The following RNF111 variants were observed in gnomAD, a reference collection of about 807,000 sequenced individuals.
RNF111 encodes the protein ring finger protein 111.
Under a neutral mutation model 95.1 loss-of-function variants are expected in RNF111, and 17 were observed. That is an observed-to-expected ratio of 0.18 (90% CI 0.12 to 0.27). The LOEUF (loss-of-function observed/expected upper bound fraction) is 0.27. RNF111 is among the 10% of genes least tolerant of loss of function. The pLI is 1.00. For missense variants in RNF111, 1,189 were observed against 1,210.4 expected (o/e 0.98, Z 0.26); for synonymous variants, 440 against 414.8 (o/e 1.06, Z -0.74).
At chr15:59,024,656 A>G (rs1463524547) in intron 1 of RNF111, among the ~76,000 whole-genome samples, 1 of 152,198 alleles carries the variant, frequency 6.6e-6, no homozygotes, top group Non-Finnish European at 1.5e-5. Flanking sequence ...TTTTATAACA[A>G]TATCTCTTTT....
At position 59,081,235 on chromosome 15, in the gene RNF111, G is replaced by C; in HGVS notation, c.2248G>C (p.Val750Leu). ...PPAQRLHPHE[V>L]MQRMEVQRRR... ...AGCACAGAGACTGCATCCTCATGAA[G>C]TGATGCAGAGGATGGAAGTTCAAAG... Residue 750 changes from valine (V) to leucine (L), a missense_variant, in exon 8 of 14, where the codon GTG becomes CTG. Physicochemically the swap from Val to Leu is conservative, Grantham distance 32. This residue lies in a region of RNF111 where 1,024 missense variants were observed against 925.9 expected (regional missense o/e 1.11). Transcript: ENST00000348370. 6.2e-7 allele frequency: 1 copy of C among 1,614,166 alleles called. No homozygotes were observed.
In RNF111 at chr15:59,030,958, G is replaced by A. The variant is rs1259136257; in HGVS notation, c.136G>A (p.Ala46Thr). 2 of 1,614,070 alleles carry A rather than the reference G, an allele frequency of 1.2e-6. No homozygotes were observed. Among genetic ancestry groups the A allele is most frequent in the African/African-American group, 2.7e-5 (2 of 74,938 alleles). ...TTTGCATCCAGAGCCCATTGGGGCA[G>A]CCAAAAGTTTTCCTGCAGGAGTTGA... is the stretch of plus-strand genomic sequence containing the variant. ...ILLHPEPIGA[A>T]KSFPAGVEMI... Residue 46 changes from alanine to threonine, a missense_variant, in exon 2 of 14, where the codon GCC becomes ACC. Transcript: ENST00000348370.
intron 1 of RNF111, among the ~76,000 whole-genome samples, chr15:58,997,313 C>G (rs2039120719): frequency 6.6e-6 from 1 of 152,048 alleles, no homozygotes; most frequent in Non-Finnish European, 1.5e-5. Context: ...TCCAAGTGTT[C>G]AGGAGGTCTA....
At chr15:59,000,398 C>T (rs1450557451) in intron 1 of RNF111, among the ~76,000 whole-genome samples, 5 of 151,820 alleles carry the variant, frequency 3.3e-5, no homozygotes, top group Admixed American at 6.6e-5. Context: ...GCTAGGCACC[C>T]GGCCCATTTT....
At chr15:59,092,437 GGTTTT>G (rs1337017483) in intron 12 of RNF111, 95 bp from the exon 13 acceptor site, 8 of 1,293,280 alleles carry the variant, frequency 6.2e-6, no homozygotes, top group Admixed American at 3.2e-5. Flanking sequence ...GTGAATATGT[GGTTTT>G]GTTTTGTTTT....
intron 6 of RNF111, among the ~76,000 whole-genome samples, chr15:59,068,097 C>G (rs1291477776): frequency 2.0e-5 from 3 of 152,046 alleles, no homozygotes; most frequent in Non-Finnish European, 4.4e-5. Context: ...TGATATAAGT[C>G]TGCGTGTTGC....
chr15:59,062,262 C>T (rs991417760), intron 5 of RNF111, among the ~76,000 whole-genome samples: 4 of 152,024 alleles, frequency 2.6e-5, no homozygotes, highest in African/African-American at 4.8e-5. Context: ...AGGCTGGTCT[C>T]GAACTCCTGG....
intron 1 of RNF111, among the ~76,000 whole-genome samples, chr15:59,008,052 G>A (rs549315126): frequency 2.0e-5 from 3 of 152,230 alleles, no homozygotes; most frequent in Admixed American, 6.5e-5. Context: ...AGTACTTTCT[G>A]TATCCTGTGA....
At chr15:59,074,463 T>A (rs2043078246) in intron 6 of RNF111, among the ~76,000 whole-genome samples, 1 of 152,254 alleles carries the variant, frequency 6.6e-6, no homozygotes, top group Admixed American at 6.5e-5. Context: ...TTGCTGCTTC[T>A]CCTTGCACTT....
chr15:59,093,527 A>G (rs1008121596), intron 13 of RNF111: 1 of 345,030 alleles, frequency 2.9e-6, no homozygotes, highest in Non-Finnish European at 5.7e-6. Flanking sequence ...TCTTTTATAA[A>G]CTGGTTTTGT....
chr15:59,008,556 A>G (rs186807966), intron 1 of RNF111, among the ~76,000 whole-genome samples: 2 of 152,246 alleles, frequency 1.3e-5, no homozygotes, highest in Non-Finnish European at 2.9e-5. Flanking sequence ...CTTCCTCATT[A>G]TCTTGGCACT....
chr15:59,032,735 A>G (rs766714928), intron 2 of RNF111, among the ~76,000 whole-genome samples: 1 of 152,056 alleles, frequency 6.6e-6, no homozygotes, highest in Non-Finnish European at 1.5e-5. Context: ...CATGTTCTTT[A>G]TAGCTGAAAA....
chr15:59,051,884 AAATG>A (rs1317092306), intron 2 of RNF111, among the ~76,000 whole-genome samples: 3 of 152,134 alleles, frequency 2.0e-5, no homozygotes, highest in African/African-American at 7.2e-5. Flanking sequence ...TATATCACCT[AAATG>A]AAAACAACCT....
rs533035404 is a variant in RNF111 at position 59,081,402 on chromosome 15, T to C, written c.2297+118T>C. 3 of 836,210 alleles carry C rather than the reference T, an allele frequency of 3.6e-6. No individual in the cohort carries two copies. In the East Asian group the frequency reaches 8.1e-5, roughly 22 times the overall value. The allele number at this position is 836,210 out of a possible 1,614,324, so 51.8% of individuals were successfully genotyped here. On this transcript the variant is annotated intron_variant, in intron 8 of 13. Transcript: ENST00000348370. The stretch of plus-strand genomic sequence containing the variant: ...GCATGCACTTGTAGTCACAGCTCCT[T>C]GGGAGGCTGAGACAGGAGGATTGCT...
At chr15:59,014,667 CT>C (rs1317815468) in intron 1 of RNF111, among the ~76,000 whole-genome samples, 1 of 152,014 alleles carries the variant, frequency 6.6e-6, no homozygotes, top group East Asian at 1.9e-4. Context: ...AAAATGATCT[CT>C]CTTTGGGTGC....
chr15:59,045,471 G>A (rs1481494440), intron 2 of RNF111, among the ~76,000 whole-genome samples: 1 of 152,168 alleles, frequency 6.6e-6, no homozygotes, highest in Non-Finnish European at 1.5e-5. Flanking sequence ...TTACAGGCGT[G>A]AGACACTGCG....
At chr15:59,059,656 G>A (rs552173419) in intron 5 of RNF111, among the ~76,000 whole-genome samples, 77 of 152,102 alleles carry the variant, frequency 5.1e-4, no homozygotes, top group African/African-American at 1.8e-3. Context: ...ATTTATTCTG[G>A]AGCTTTCTTT....
intron 12 of RNF111, 151 bp downstream of exon 12, chr15:59,091,305 T>C (rs571309041): frequency 2.3e-5 from 11 of 480,016 alleles, no homozygotes; most frequent in East Asian, 1.7e-4. Flanking sequence ...ATAAAAAATA[T>C]ATACTTTGCA....
At chr15:58,995,736 T>C (rs1397728206) in intron 1 of RNF111, among the ~76,000 whole-genome samples, 9 of 151,486 alleles carry the variant, frequency 5.9e-5, no homozygotes, top group African/African-American at 2.2e-4. Context: ...AGTGCTGGGA[T>C]TACAGGCATG....
Sources: gnomAD v4.1 joint callset for allele counts (sites outside exome capture counted in the v4.1 genomes callset) on GRCh38, gnomAD v4.1.1 for gene constraint, gnomAD v4.1.1 regional missense constraint, MANE v1.5 for transcripts, NCBI Gene and HGNC (gene_info 2026-07-23, HGNC 2026-07-21) for gene names.